CNBD1: variants seen among roughly 807,000 people sequenced by gnomAD.
CNBD1 encodes cyclic nucleotide binding domain containing 1.
A neutral mutation model predicts 54.4 loss-of-function variants in CNBD1; 71 were observed. That is an observed-to-expected ratio of 1.30 (90% confidence interval 1.08 to 1.59). CNBD1 has a LOEUF of 1.59. CNBD1 is among the 40% of genes most tolerant of loss of function. The pLI is 0.00. For missense variants in CNBD1, 659 were observed against 518.0 expected (o/e 1.27, Z -2.64); for synonymous variants, 182 against 170.7 (o/e 1.07, Z -0.51).
intron 8 of CNBD1, among the ~76,000 whole-genome samples, chr8:87,347,538 C>T (rs1810198907): frequency 6.6e-6 from 1 of 151,848 alleles, no homozygotes; most frequent in Non-Finnish European, 1.5e-5. Context: ...ACTTAGATGG[C>T]AACACACACC....
intron 2 of CNBD1, among the ~76,000 whole-genome samples, chr8:87,390,456 A>G (rs1811284539): frequency 1.3e-5 from 2 of 152,344 alleles, no homozygotes; most frequent in South Asian, 2.1e-4. Flanking sequence ...TTCTCAAAAG[A>G]AGACATTTAT....
At chr8:87,399,078 T>C (rs1811456533) in intron 2 of CNBD1, among the ~76,000 whole-genome samples, 2 of 152,102 alleles carry the variant, frequency 1.3e-5, no homozygotes, top group Non-Finnish European at 2.9e-5. Context: ...TTTCATTTAT[T>C]GATTTCATTA....
chr8:87,145,324 T>A (rs1812460233), intron 4 of CNBD1, among the ~76,000 whole-genome samples: 2 of 152,268 alleles, frequency 1.3e-5, no homozygotes, highest in Admixed American at 6.5e-5. Flanking sequence ...ATGTCAACTT[T>A]AGAATTTGTA....
At chr8:87,321,832 T>A (rs867821017) in intron 8 of CNBD1, among the ~76,000 whole-genome samples, 3 of 151,204 alleles carry the variant, frequency 2.0e-5, no homozygotes, top group Admixed American at 1.3e-4. Flanking sequence ...CTTTAAGTTT[T>A]AGGGTACATG....
At chr8:87,419,230 G>T (rs1160712925) in intron 2 of CNBD1, among the ~76,000 whole-genome samples, 58 of 151,780 alleles carry the variant, frequency 3.8e-4, no homozygotes, top group Non-Finnish European at 8.8e-5. Flanking sequence ...AACATGTCTA[G>T]AATAGGCAAA....
At chr8:86,988,912 C>A (rs1808673762) in intron 4 of CNBD1, among the ~76,000 whole-genome samples, 1 of 151,992 alleles carries the variant, frequency 6.6e-6, no homozygotes, top group Non-Finnish European at 1.5e-5. Flanking sequence ...TTTCTTTATC[C>A]ATTTTTTTGT....
chr8:87,091,103 A>G (rs1458119685), intron 4 of CNBD1, among the ~76,000 whole-genome samples: 6 of 147,856 alleles, frequency 4.1e-5, no homozygotes, highest in African/African-American at 1.5e-4. Context: ...TAGTGCTACT[A>G]CACTCCAGCC....
chr8:87,079,811 A>T (rs555990949), intron 4 of CNBD1, among the ~76,000 whole-genome samples: 1 of 152,216 alleles, frequency 6.6e-6, no homozygotes, highest in Non-Finnish European at 1.5e-5. Flanking sequence ...AAATAGCGGG[A>T]TACTTTTATT....
chr8:86,902,452 G>A (rs973430186), intron 2 of CNBD1, among the ~76,000 whole-genome samples: 1 of 151,988 alleles, frequency 6.6e-6, no homozygotes, highest in African/African-American at 2.4e-5. Context: ...TAAGGGTGAG[G>A]TCACAGGTCC....
chr8:87,379,498 A>G (rs1811028969), intron 10 of CNBD1, among the ~76,000 whole-genome samples: 2 of 152,018 alleles, frequency 1.3e-5, no homozygotes, highest in Admixed American at 6.6e-5. Flanking sequence ...TCTCCCCAGC[A>G]AATGTAAAAG....
intron 8 of CNBD1, among the ~76,000 whole-genome samples, chr8:87,336,062 T>A (rs1318909855): frequency 1.3e-5 from 2 of 152,214 alleles, no homozygotes; most frequent in Admixed American, 1.3e-4. Context: ...TGCTGAGAGA[T>A]CCACTATCAG....
chr8:87,091,071 T>C (rs140175087), intron 4 of CNBD1, among the ~76,000 whole-genome samples: 6,635 of 144,312 alleles, frequency 0.046, 492 homozygotes, highest in African/African-American at 0.16. Flanking sequence ...ACTCAGGAGG[T>C]AGAGGTTGCA....
chr8:86,901,768 A>G (rs1473241547), intron 2 of CNBD1, among the ~76,000 whole-genome samples: 3 of 152,188 alleles, frequency 2.0e-5, no homozygotes, highest in East Asian at 1.9e-4. Context: ...TCTTATGTGG[A>G]AGGATCTTTT....
intron 1 of CNBD1, among the ~76,000 whole-genome samples, chr8:86,886,455 G>T (rs1278411569): frequency 6.6e-6 from 1 of 151,988 alleles, no homozygotes; most frequent in Non-Finnish European, 1.5e-5. Context: ...GATATGATAT[G>T]GATATATATG....
chr8:87,372,660 C>A (rs1810837485), intron 10 of CNBD1, among the ~76,000 whole-genome samples: 1 of 151,634 alleles, frequency 6.6e-6, no homozygotes, highest in African/African-American at 2.4e-5. Context: ...CTTTATTTGT[C>A]CACAAATAAG....
At chr8:87,296,534 AG>A (rs901156896) in intron 8 of CNBD1, among the ~76,000 whole-genome samples, 1 of 152,092 alleles carries the variant, frequency 6.6e-6, no homozygotes, top group African/African-American at 2.4e-5. Flanking sequence ...ATGTCTAACA[AG>A]AGGACATAAA....
intron 8 of CNBD1, among the ~76,000 whole-genome samples, chr8:87,321,119 C>G (rs1392618449): frequency 6.9e-6 from 1 of 145,234 alleles, no homozygotes; most frequent in East Asian, 2.0e-4. Context: ...CACCACCTGG[C>G]CATTGTGAAT....
In CNBD1 at chr8:87,166,280, A is replaced by C. The variant is rs982833029; in HGVS notation, c.432-39713A>C. Among the ~76,000 whole-genome samples, 3 of 151,824 alleles carry C rather than the reference A, an allele frequency of 2.0e-5. No homozygotes were observed. The highest frequency in any genetic ancestry group is 7.3e-5 in the African/African-American group (3 of 41,374). Reference sequence around the variant, plus strand: ...TGTATCAGTAAGTCTTTTCAGGTCCATCTCCAATATATATCTTGGATCTGT... The same window carrying C: ...TGTATCAGTAAGTCTTTTCAGGTCCCTCTCCAATATATATCTTGGATCTGT... On this transcript the variant is annotated intron_variant, in intron 4 of 10. Coordinates refer to ENST00000518476, the MANE Select transcript of CNBD1 (RefSeq NM_173538.3). This position sits in a 1 kb window ranked among gnomAD's most constrained non-coding sequence, Gnocchi z 4.3.
At chr8:87,417,302 C>T (rs887354111) in intron 2 of CNBD1, among the ~76,000 whole-genome samples, 9 of 151,808 alleles carry the variant, frequency 5.9e-5, no homozygotes, top group Admixed American at 3.3e-4. Context: ...AAGAACAGCA[C>T]GGGAAAAGCT....
Sources: gnomAD v4.1 joint callset for allele counts (sites outside exome capture counted in the v4.1 genomes callset) on GRCh38, gnomAD v4.1.1 for gene constraint, Gnocchi (gnomAD v3.1) non-coding constraint, MANE v1.5 for transcripts, NCBI Gene and HGNC (gene_info 2026-07-23, HGNC 2026-07-21) for gene names.